Variants in BTRC observed in about 807,000 individuals in gnomAD.
The protein encoded by BTRC is beta-transducin repeat containing E3 ubiquitin protein ligase.
BTRC carries 42 observed loss-of-function variants against 85.5 expected under a neutral mutation model. That is an observed-to-expected ratio of 0.49 (90% CI 0.38 to 0.64). BTRC has a LOEUF of 0.64. Among genes scored for constraint, BTRC ranks in the 30% least tolerant of loss-of-function variants. The probability of loss-of-function intolerance (pLI) is 0.00; values close to 1 mark genes in which losing one functional copy is unlikely to be tolerated. For synonymous variants in BTRC, 255 were observed against 263.3 expected (o/e 0.97, Z 0.30); for missense variants, 594 against 743.5 (o/e 0.80, Z 2.34).
chr10:101,496,293 C>T (rs181289023), intron 4 of BTRC, among the ~76,000 whole-genome samples: 2 of 152,322 alleles, frequency 1.3e-5, no homozygotes, highest in East Asian at 1.9e-4. Flanking sequence ...AATTTTTATA[C>T]AGCAGTGAAT....
chr10:101,491,652 G>A (rs759550888), intron 4 of BTRC, among the ~76,000 whole-genome samples: 1 of 151,608 alleles, frequency 6.6e-6, no homozygotes, highest in South Asian at 2.1e-4. Flanking sequence ...AGCCAAGATC[G>A]CGCCTCTGCA....
intron 1 of BTRC, among the ~76,000 whole-genome samples, chr10:101,398,015 G>A (rs937086953): frequency 2.0e-5 from 3 of 152,316 alleles, no homozygotes; most frequent in African/African-American, 7.2e-5. Flanking sequence ...GTGGAGACAT[G>A]TTAGGAATAA....
intron 5 of BTRC, among the ~76,000 whole-genome samples, chr10:101,525,677 A>G (rs1200167368): frequency 6.6e-6 from 1 of 152,224 alleles, no homozygotes; most frequent in Non-Finnish European, 1.5e-5. Flanking sequence ...TGCCATCCAT[A>G]GAACATCCCC....
chr10:101,445,136 T>C (rs969981688), intron 2 of BTRC, among the ~76,000 whole-genome samples: 1 of 152,180 alleles, frequency 6.6e-6, no homozygotes, highest in African/African-American at 2.4e-5. Context: ...GATGGTGCCC[T>C]TGGAATTAAT....
intron 1 of BTRC, among the ~76,000 whole-genome samples, chr10:101,407,680 G>C (rs1319210450): frequency 6.7e-6 from 1 of 149,916 alleles, no homozygotes; most frequent in African/African-American, 2.5e-5. Flanking sequence ...CTGAGCCACT[G>C]TGCCCAGCCT....
chr10:101,479,502 A>G, intron 4 of BTRC, 45 bp downstream of exon 4: 2 of 1,468,084 alleles, frequency 1.4e-6, no homozygotes, highest in African/African-American at 2.8e-5. Context: ...ACACCATAAC[A>G]GTGCCATATC....
At chr10:101,407,307 C>A (rs1268692737) in intron 1 of BTRC, among the ~76,000 whole-genome samples, 1 of 152,182 alleles carries the variant, frequency 6.6e-6, no homozygotes, top group African/African-American at 2.4e-5. Flanking sequence ...GTGATCATAC[C>A]ACTGCACTCC....
At chr10:101,367,483 A>G (rs1309482988) in intron 1 of BTRC, among the ~76,000 whole-genome samples, 3 of 152,168 alleles carry the variant, frequency 2.0e-5, no homozygotes, top group African/African-American at 7.2e-5. Context: ...TAATATGTAC[A>G]AATAATTATA....
chr10:101,397,270 A>G (rs929751983), intron 1 of BTRC, among the ~76,000 whole-genome samples: 3 of 152,222 alleles, frequency 2.0e-5, no homozygotes, highest in East Asian at 3.8e-4. Context: ...TGTTATGGCA[A>G]CTCAAATGGG....
chr10:101,501,141 G>A (rs1485439682), intron 4 of BTRC, among the ~76,000 whole-genome samples: 1 of 151,856 alleles, frequency 6.6e-6, no homozygotes, highest in Non-Finnish European at 1.5e-5. Context: ...TGCAGTGAGT[G>A]GAGTACACTG....
intron 2 of BTRC, among the ~76,000 whole-genome samples, chr10:101,449,271 T>G (rs1564779686): frequency 6.6e-6 from 1 of 151,864 alleles, no homozygotes; most frequent in Non-Finnish European, 1.5e-5. Flanking sequence ...TGAAAGTCAT[T>G]TAGCAAAAAG....
rs1941959111 is a variant in BTRC at position 101,354,177 on chromosome 10, G to C, written c.-4G>C. On this transcript the variant is annotated 5_prime_UTR_variant, in exon 1 of 15. Coordinates refer to ENST00000370187, the MANE Select transcript of BTRC (RefSeq NM_033637.4). ...GGAGAGCGGACCCAGTGGCCTCGGC[G>C]ATTATGGACCCGGCCGAGGCGGTGC... 6.5e-7 allele frequency: 1 copy of C among 1,549,010 alleles called. No homozygotes were observed. The highest frequency in any genetic ancestry group is 1.4e-5 in the African/African-American group (1 of 73,062).
intron 1 of BTRC, among the ~76,000 whole-genome samples, chr10:101,370,643 C>T (rs1457871525): frequency 7.2e-6 from 1 of 138,740 alleles, no homozygotes; most frequent in Non-Finnish European, 1.6e-5. Flanking sequence ...CATCTAGGCT[C>T]ACTGCAGCCT....
chr10:101,415,606 A>G (rs1943923816), intron 1 of BTRC, among the ~76,000 whole-genome samples: 1 of 149,456 alleles, frequency 6.7e-6, no homozygotes, highest in Non-Finnish European at 1.5e-5. Flanking sequence ...CAATGGCGTG[A>G]TCTCGGCTCA....
chr10:101,390,283 G>A (rs1006651855), intron 1 of BTRC, among the ~76,000 whole-genome samples: 2 of 148,518 alleles, frequency 1.3e-5, no homozygotes, highest in Non-Finnish European at 3.0e-5. Flanking sequence ...ATCAAACAAT[G>A]TTTATGGGAA....
In BTRC at chr10:101,440,599, G is replaced by A. The variant is rs1385396393; in HGVS notation, c.156+10147G>A. ...TAGCCAGTCATGGTGGTGCCAGTCT[G>A]TGGTCCCAGCTACTCGGGAGGCTGA... On this transcript the variant is annotated intron_variant, in intron 2 of 14. Transcript: ENST00000370187. 2.0e-5 allele frequency among the ~76,000 whole-genome samples: 3 copies of A among 152,054 alleles called. No homozygotes were observed. In the East Asian group the frequency reaches 5.8e-4, roughly 29 times the overall value.
Position 101,448,559 on chromosome 10 carries a change from A to G in BTRC, c.157-13422A>G, listed in dbSNP as rs551215450. Among the ~76,000 whole-genome samples the G allele has an allele frequency of 2.6e-5, 4 of 152,206 alleles. No individual in the cohort carries two copies. The South Asian group carries it at 6.2e-4, about 24-fold the overall frequency. ...ACTCAAATTTTAAATCCTTAAGCCA[A>G]TACTACCTTAGGGTCTGGCTACTTA... On this transcript the variant is annotated intron_variant, in intron 2 of 14. Coordinates refer to ENST00000370187, the MANE Select transcript of BTRC (RefSeq NM_033637.4).
intron 8 of BTRC, 132 bp downstream of exon 8, chr10:101,532,564 A>G (rs2062301643): frequency 8.1e-7 from 1 of 1,229,738 alleles, no homozygotes; most frequent in African/African-American, 1.5e-5. Context: ...TTCCAGTCCC[A>G]AAGCCAAAAT....
Position 101,359,645 on chromosome 10 carries a change from G to A in BTRC, c.48+5417G>A, listed in dbSNP as rs1942144960. ...GATGGAGTTTTGGTCTTGTTGCCCA[G>A]GCTGGAGTGCAATGGTGCAAACTCA... On this transcript the variant is annotated intron_variant, in intron 1 of 14. Coordinates refer to ENST00000370187, the MANE Select transcript of BTRC (RefSeq NM_033637.4). Among the ~76,000 whole-genome samples the A allele has an allele frequency of 1.3e-5, 2 of 149,796 alleles. 1 individual carries two copies. Among genetic ancestry groups the A allele is most frequent in the Non-Finnish European group, 3.0e-5 (2 of 67,488 alleles).
Sources: gnomAD v4.1 joint callset for allele counts (sites outside exome capture counted in the v4.1 genomes callset) on GRCh38, gnomAD v4.1.1 for gene constraint, MANE v1.5 for transcripts, NCBI Gene and HGNC (gene_info 2026-07-23, HGNC 2026-07-21) for gene names.